Variants in TBC1D8 observed in about 807,000 individuals in gnomAD.
TBC1D8 encodes BUB2-like protein 1.
A neutral mutation model predicts 118.8 loss-of-function variants in TBC1D8; 65 were observed. The observed-to-expected ratio is 0.55, with a 90% CI of 0.45 to 0.67. The LOEUF is 0.67. Ranked by LOEUF, TBC1D8 falls within the 30% of genes least tolerant of loss-of-function variation. The pLI is 0.00. For synonymous variants in TBC1D8, 566 were observed against 595.8 expected, an observed-to-expected ratio of 0.95 and a Z score of 0.73; for missense variants, 1,376 against 1,471.2, an observed-to-expected ratio of 0.94 and a Z score of 1.06.
intron 1 of TBC1D8, among the ~76,000 whole-genome samples, chr2:101,129,690 G>C (rs1301557106): frequency 6.6e-6 from 1 of 151,728 alleles, no homozygotes; most frequent in African/African-American, 2.4e-5. Context: ...CAGATCACGA[G>C]GTCAGGAGAT....
chr2:101,014,444 T>C (rs927959224), intron 17 of TBC1D8, among the ~76,000 whole-genome samples: 1 of 152,236 alleles, frequency 6.6e-6, no homozygotes. Flanking sequence ...CCATTTTTTG[T>C]GCCCTGTGAG....
At position 101,040,201 on chromosome 2, in the gene TBC1D8, T is replaced by TA. The variant is rs776745559; in HGVS notation, c.1056dup (p.Lys353Ter). 6.2e-7 allele frequency: 1 copy of TA among 1,614,034 alleles called. No homozygotes were observed. The highest frequency in any genetic ancestry group is 8.5e-7 in the Non-Finnish European group (1 of 1,179,886). On this transcript the variant is annotated frameshift_variant, in exon 6 of 20. Coordinates refer to ENST00000409318, the MANE Select transcript of TBC1D8 (RefSeq NM_001330348.2). LOFTEE classifies it high-confidence loss of function. ...ACCTCTCTGAGTGGCAGGATGATCTTACAGCAGCCATCTTCTCTGCTGGCA... is the reference window on the plus strand; with the variant it reads ...ACCTCTCTGAGTGGCAGGATGATCTTAACAGCAGCCATCTTCTCTGCTGGCA...
chr2:101,030,318 C>T (rs1292363813), intron 11 of TBC1D8, among the ~76,000 whole-genome samples: 3 of 152,096 alleles, frequency 2.0e-5, no homozygotes, highest in African/African-American at 7.3e-5. Flanking sequence ...AGAACTCTTG[C>T]AACTTAGTAA....
intron 2 of TBC1D8, among the ~76,000 whole-genome samples, chr2:101,062,168 T>C (rs958020754): frequency 1.3e-5 from 2 of 152,226 alleles, no homozygotes; most frequent in African/African-American, 4.8e-5. Context: ...TAAGTCGGGT[T>C]CCACCCAAGC....
rs1678888057 is a variant in TBC1D8, at chr2:101,008,205, C to T, written c.3084G>A (p.Leu1028=). Residue 1028 remains leucine, a synonymous_variant, in exon 20 of 20, where the codon TTG becomes TTA. Coordinates refer to ENST00000409318, the MANE Select transcript of TBC1D8 (RefSeq NM_001330348.2). ...TGGTGACTGTGGCGATGGCTTGATA[C>T]AAATCATTTTCTTCTGGATCTTCAT... is the stretch of plus-strand genomic sequence containing the variant. ...MFHEDPEEND[L]YQAIATVTTL... The T allele has an allele frequency of 1.2e-5, 19 of 1,608,172 alleles. No homozygotes were observed. Among genetic ancestry groups the T allele is most frequent in the African/African-American group, 5.4e-5 (4 of 74,654 alleles).
intron 1 of TBC1D8, among the ~76,000 whole-genome samples, chr2:101,113,494 A>G (rs1677693776): frequency 6.6e-6 from 1 of 152,236 alleles, no homozygotes; most frequent in Non-Finnish European, 1.5e-5. Flanking sequence ...AAACTTGTTC[A>G]GCGAGACTCA....
intron 1 of TBC1D8, among the ~76,000 whole-genome samples, chr2:101,140,087 C>G (rs1211452927): frequency 1.3e-5 from 2 of 152,162 alleles, no homozygotes; most frequent in Non-Finnish European, 2.9e-5. Context: ...ACCTCCCCCA[C>G]AGCAAAAACT....
intron 4 of TBC1D8, among the ~76,000 whole-genome samples, chr2:101,052,887 A>G (rs1010557608): frequency 6.6e-6 from 1 of 152,352 alleles, no homozygotes; most frequent in Middle Eastern, 3.4e-3. Flanking sequence ...GCTCAACAAT[A>G]AACTTCTCCA....
At chr2:101,016,641 A>G (rs1679659435) in intron 17 of TBC1D8, among the ~76,000 whole-genome samples, 2 of 151,924 alleles carry the variant, frequency 1.3e-5, no homozygotes, top group South Asian at 2.1e-4. Context: ...TTATTGCGGC[A>G]CTATTCACAA....
chr2:101,116,292 T>C (rs959407126), intron 1 of TBC1D8, among the ~76,000 whole-genome samples: 1 of 152,182 alleles, frequency 6.6e-6, no homozygotes, highest in Non-Finnish European at 1.5e-5. Flanking sequence ...AAAGAACCTA[T>C]GTTTGGTCTA....
intron 1 of TBC1D8, among the ~76,000 whole-genome samples, chr2:101,104,574 G>A (rs2105472675): frequency 6.6e-6 from 1 of 152,304 alleles, no homozygotes; most frequent in African/African-American, 2.4e-5. Context: ...GTAGTTCAGT[G>A]GAGAAGGACA....
intron 5 of TBC1D8, 35 bp from the exon 6 acceptor site, chr2:101,040,420 G>A (rs1681311625): frequency 6.4e-7 from 1 of 1,552,350 alleles, no homozygotes; most frequent in Non-Finnish European, 8.7e-7. Flanking sequence ...AGAAGAGATA[G>A]GAAAGGTGAA....
chr2:101,055,608 A>C (rs115001991), intron 3 of TBC1D8, among the ~76,000 whole-genome samples: 1,747 of 152,300 alleles, frequency 0.011, 44 homozygotes, highest in African/African-American at 0.04. Context: ...CTGAGTAACA[A>C]GTAGTGTCCT....
At chr2:101,101,432 C>T (rs1448638452) in intron 1 of TBC1D8, among the ~76,000 whole-genome samples, 2 of 152,100 alleles carry the variant, frequency 1.3e-5, no homozygotes, top group African/African-American at 4.8e-5. Flanking sequence ...AATAGGAATG[C>T]TTTTACACTG....
intron 2 of TBC1D8, among the ~76,000 whole-genome samples, chr2:101,086,024 C>A (rs1258788402): frequency 3.3e-5 from 5 of 151,960 alleles, no homozygotes; most frequent in Admixed American, 3.3e-4. Flanking sequence ...TGCCTGTAGT[C>A]CCAGCTACTT....
rs779582904 is a variant in TBC1D8 at position 101,054,094 on chromosome 2, C to T, written c.631+14G>A. 6 of 1,600,040 alleles carry T rather than the reference C, an allele frequency of 3.7e-6. No homozygotes were observed. The East Asian group carries it at 1.3e-4, about 36-fold the overall frequency. Reference sequence around the variant, plus strand: ...CCAACTTTATCTTGGAAGAGCCTGCCAGGCCTCACTTACGTTCCTTGCCCA... The same window carrying T: ...CCAACTTTATCTTGGAAGAGCCTGCTAGGCCTCACTTACGTTCCTTGCCCA... On this transcript the variant is annotated intron_variant, in intron 4 of 19. Coordinates refer to ENST00000409318, the MANE Select transcript of TBC1D8 (RefSeq NM_001330348.2).
At chr2:101,115,595 G>A (rs1174959586) in intron 1 of TBC1D8, among the ~76,000 whole-genome samples, 1 of 152,050 alleles carries the variant, frequency 6.6e-6, no homozygotes, top group African/African-American at 2.4e-5. Flanking sequence ...TACTAAAAAT[G>A]TAGAAATTAG....
At chr2:101,037,811 A>T in intron 7 of TBC1D8, 103 bp from the exon 8 acceptor site, 1 of 1,428,284 alleles carries the variant, frequency 7.0e-7, no homozygotes, top group Non-Finnish European at 9.6e-7. Context: ...GCACGGGCAT[A>T]GCAGACTTCA....
intron 1 of TBC1D8, among the ~76,000 whole-genome samples, chr2:101,119,061 A>G (rs756224526): frequency 2.0e-5 from 3 of 152,122 alleles, no homozygotes; most frequent in Non-Finnish European, 2.9e-5. Context: ...TGATAAATGA[A>G]TTCAGTAAAG....
Sources: allele counts gnomAD v4.1 joint callset (sites outside exome capture counted in the v4.1 genomes callset), GRCh38; gene constraint gnomAD v4.1.1; transcripts MANE v1.5; gene names NCBI Gene and HGNC (gene_info 2026-07-23, HGNC 2026-07-21).